TMEM178B: variants seen among roughly 807,000 people sequenced by gnomAD.
TMEM178B encodes the protein transmembrane protein 178B.
In TMEM178B, 5 loss-of-function variants were observed where a neutral mutation model predicts 31.0. The ratio of observed to expected loss-of-function variants is 0.16; its 90% CI spans 0.08 to 0.34. The LOEUF is 0.34. Ranked by LOEUF, TMEM178B falls within the 10% of genes least tolerant of loss-of-function variation. The pLI, the probability that TMEM178B is intolerant of heterozygous loss-of-function variation, is 1.00. For missense variants in TMEM178B, 275 were observed against 400.3 expected, an observed-to-expected ratio of 0.69 and a Z score of 2.67; for synonymous variants, 164 against 164.0, an observed-to-expected ratio of 1.00 and a Z score of 0.00.
At chr7:141,331,349 G>A (rs1799296738) in intron 2 of TMEM178B, among the ~76,000 whole-genome samples, 1 of 152,196 alleles carries the variant, frequency 6.6e-6, no homozygotes, top group South Asian at 2.1e-4. Flanking sequence ...CAGCAAAGTA[G>A]ATGGAAAATC....
At chr7:141,336,455 A>G (rs1216306908) in intron 2 of TMEM178B, among the ~76,000 whole-genome samples, 1 of 152,078 alleles carries the variant, frequency 6.6e-6, no homozygotes, top group Non-Finnish European at 1.5e-5. Context: ...TGTCCACTGC[A>G]TGGCCTTGGT....
At chr7:141,416,636 G>A (rs1801102293) in intron 2 of TMEM178B, among the ~76,000 whole-genome samples, 1 of 152,196 alleles carries the variant, frequency 6.6e-6, no homozygotes, top group South Asian at 2.1e-4. Context: ...CAAAGGCTTT[G>A]CCCAAATGTT....
chr7:141,184,480 A>G (rs1219607608), intron 1 of TMEM178B, among the ~76,000 whole-genome samples: 1 of 152,014 alleles, frequency 6.6e-6, no homozygotes, highest in African/African-American at 2.4e-5. Flanking sequence ...CTCTGCCAGC[A>G]AGACCCACAC....
At chr7:141,184,991 G>T (rs1796585655) in intron 1 of TMEM178B, among the ~76,000 whole-genome samples, 1 of 152,210 alleles carries the variant, frequency 6.6e-6, no homozygotes, top group Non-Finnish European at 1.5e-5. Flanking sequence ...CACATCTAAA[G>T]CTCAGCGCAG....
At chr7:141,102,037 C>G (rs899333495) in intron 1 of TMEM178B, among the ~76,000 whole-genome samples, 3 of 151,340 alleles carry the variant, frequency 2.0e-5, no homozygotes, top group Non-Finnish European at 1.5e-5. Flanking sequence ...TGAGACTCAG[C>G]GAAAAACAGG....
At chr7:141,090,484 A>G (rs1794864389) in intron 1 of TMEM178B, among the ~76,000 whole-genome samples, 2 of 152,192 alleles carry the variant, frequency 1.3e-5, no homozygotes, top group Non-Finnish European at 2.9e-5. Flanking sequence ...CGTTGTTGAG[A>G]GCAGCCTCCT....
intron 2 of TMEM178B, among the ~76,000 whole-genome samples, chr7:141,232,807 C>CTAAT (rs1228911074): frequency 6.6e-6 from 1 of 152,144 alleles, no homozygotes; most frequent in Non-Finnish European, 1.5e-5. Context: ...GGCTGTGTCC[C>CTAAT]ATTAGGAGCC....
chr7:141,158,410 T>C (rs564832600), intron 1 of TMEM178B, among the ~76,000 whole-genome samples: 6 of 152,178 alleles, frequency 3.9e-5, no homozygotes, highest in Admixed American at 6.5e-5. Context: ...AGGTTGCCAA[T>C]TGATGTCTGT....
chr7:141,274,318 A>G (rs1586863809), intron 2 of TMEM178B, among the ~76,000 whole-genome samples: 1 of 152,204 alleles, frequency 6.6e-6, no homozygotes, highest in South Asian at 2.1e-4. Flanking sequence ...TTTTTATTAA[A>G]TGACTTAATT....
chr7:141,125,318 A>G (rs1795473150), intron 1 of TMEM178B, among the ~76,000 whole-genome samples: 1 of 152,196 alleles, frequency 6.6e-6, no homozygotes, highest in Non-Finnish European at 1.5e-5. Flanking sequence ...CTGGCCAGCA[A>G]CAACAATAAC....
chr7:141,509,837 A>G, the TMEM178B span, among the ~76,000 whole-genome samples: 1 of 152,106 alleles, frequency 6.6e-6, no homozygotes, highest in Non-Finnish European at 1.5e-5. Flanking sequence ...GTTTCCTCTC[A>G]CTGTCATGTT....
intron 2 of TMEM178B, among the ~76,000 whole-genome samples, chr7:141,280,867 T>C (rs1798346263): frequency 1.3e-5 from 2 of 152,242 alleles, no homozygotes; most frequent in South Asian, 4.1e-4. Flanking sequence ...GCTGCTTCTC[T>C]TTCTTGTTTT....
At chr7:141,142,654 G>A (rs11974442) in intron 1 of TMEM178B, among the ~76,000 whole-genome samples, 9,269 of 152,038 alleles carry the variant, frequency 0.061, 942 homozygotes, top group African/African-American at 0.21. Context: ...TGATCCACCC[G>A]CCTCAGCCTC....
chr7:141,372,866 G>A (rs1800143667), intron 2 of TMEM178B, among the ~76,000 whole-genome samples: 1 of 152,162 alleles, frequency 6.6e-6, no homozygotes, highest in African/African-American at 2.4e-5. Flanking sequence ...CCACACATCT[G>A]AGCCGTCCAG....
At chr7:141,370,049 T>C (rs1223052640) in intron 2 of TMEM178B, among the ~76,000 whole-genome samples, 3 of 152,174 alleles carry the variant, frequency 2.0e-5, no homozygotes, top group Non-Finnish European at 4.4e-5. Flanking sequence ...CTCACAGGCC[T>C]GAGGCAAGGG....
intron 1 of TMEM178B, among the ~76,000 whole-genome samples, chr7:141,135,699 C>T (rs1300068310): frequency 6.6e-6 from 1 of 152,052 alleles, no homozygotes; most frequent in African/African-American, 2.4e-5. Flanking sequence ...AATTGAAACA[C>T]AGCATACCCA....
chr7:141,107,436 G>A (rs62486612), intron 1 of TMEM178B, among the ~76,000 whole-genome samples: 15,505 of 152,220 alleles, frequency 0.1, 895 homozygotes, highest in Non-Finnish European at 0.12. Context: ...CATGGTGATG[G>A]TAGCATGGGT....
intron 3 of TMEM178B, among the ~76,000 whole-genome samples, chr7:141,442,907 C>T (rs1801687460): frequency 6.6e-6 from 1 of 152,232 alleles, no homozygotes; most frequent in Admixed American, 6.5e-5. Flanking sequence ...ACTGGATTTT[C>T]TGTGGAAAGT....
Position 141,318,340 on chromosome 7 carries a change from A to C in TMEM178B, c.496+105636A>C, listed in dbSNP as rs1033502658. Among the ~76,000 whole-genome samples the C allele has an allele frequency of 6.6e-6, 1 of 152,194 alleles. No homozygotes were observed. Among genetic ancestry groups the C allele is most frequent in the Non-Finnish European group, 1.5e-5 (1 of 68,034 alleles). On this transcript the variant is annotated intron_variant, in intron 2 of 3. Coordinates refer to ENST00000565468, the MANE Select transcript of TMEM178B (RefSeq NM_001195278.2). The surrounding 1 kb of genome is among the most constrained non-coding windows in gnomAD (Gnocchi z 4.1). ...AGAGTGGGAATGGGGCTGCGAAATC[A>C]ATAATTGGGTGTTTTAATGCTACAA... is the stretch of plus-strand genomic sequence containing the variant.
Sources: allele counts gnomAD v4.1 joint callset (sites outside exome capture counted in the v4.1 genomes callset), GRCh38; gene constraint gnomAD v4.1.1; non-coding constraint Gnocchi (gnomAD v3.1); transcripts MANE v1.5; gene names NCBI Gene and HGNC (gene_info 2026-07-23, HGNC 2026-07-21).